The following AUTS2 variants were observed in gnomAD, a reference collection of about 807,000 sequenced individuals.
AUTS2 encodes the protein autism susceptibility gene 2 protein.
Under a neutral mutation model 112.4 loss-of-function variants are expected in AUTS2, and 17 were observed. The ratio of observed to expected loss-of-function variants is 0.15; its 90% CI spans 0.10 to 0.23. The LOEUF (loss-of-function observed/expected upper bound fraction) is 0.23, where lower values mean the gene tolerates loss of function less well. AUTS2 is among the 10% of genes least tolerant of loss of function. The pLI, the probability that AUTS2 is intolerant of heterozygous loss-of-function variation, is 1.00. For synonymous variants in AUTS2, 751 were observed against 702.7 expected (o/e 1.07, Z -1.09); for missense variants, 1,510 against 1,701.6 (o/e 0.89, Z 1.98).
intron 4 of AUTS2, among the ~76,000 whole-genome samples, chr7:70,193,364 TCTTAAAA>T (rs1359883581): frequency 6.6e-6 from 1 of 152,218 alleles, no homozygotes; most frequent in Non-Finnish European, 1.5e-5. Context: ...TAGATTTGTA[TCTTAAAA>T]CAGGAATACT....
At chr7:69,836,812 C>T (rs754509605) in intron 1 of AUTS2, among the ~76,000 whole-genome samples, 18 of 152,138 alleles carry the variant, frequency 1.2e-4, no homozygotes, top group African/African-American at 4.1e-4. Flanking sequence ...TTACTTATTG[C>T]TCAAAAGAGG....
At chr7:70,729,078 T>A (rs1001345841) in intron 6 of AUTS2, 4 of 446,174 alleles carry the variant, frequency 9.0e-6, no homozygotes, top group African/African-American at 6.0e-5. Flanking sequence ...CTAGAGCTGC[T>A]CTGCTCTTGA....
intron 2 of AUTS2, among the ~76,000 whole-genome samples, chr7:69,959,057 C>T (rs918891011): frequency 6.6e-6 from 1 of 152,116 alleles, no homozygotes; most frequent in Admixed American, 6.6e-5. Context: ...AAATTTTGCC[C>T]GTTACCTCTG....
chr7:69,757,727 G>A (rs149889261), intron 1 of AUTS2, among the ~76,000 whole-genome samples: 43 of 152,010 alleles, frequency 2.8e-4, no homozygotes, highest in Middle Eastern at 3.4e-3. Flanking sequence ...TTCTTTTACC[G>A]CCCCCTGCTT....
intron 5 of AUTS2, among the ~76,000 whole-genome samples, chr7:70,612,919 A>G (rs4717538): frequency 0.015 from 2,353 of 152,124 alleles, 93 homozygotes; most frequent in East Asian, 0.11. Context: ...AGTGCTGGGC[A>G]GGCAGTCCAG....
At chr7:70,241,976 T>A (rs1812638321) in intron 4 of AUTS2, among the ~76,000 whole-genome samples, 1 of 152,208 alleles carries the variant, frequency 6.6e-6, no homozygotes, top group African/African-American at 2.4e-5. Context: ...CCTATTTTCC[T>A]GTGGTCAAAA....
At chr7:69,688,940 A>G (rs549728215) in intron 1 of AUTS2, among the ~76,000 whole-genome samples, 1 of 152,242 alleles carries the variant, frequency 6.6e-6, no homozygotes, top group African/African-American at 2.4e-5. Context: ...TTAGGAGTTT[A>G]AAGGATTGAG....
At chr7:70,122,762 G>A (rs1294983803) in intron 3 of AUTS2, among the ~76,000 whole-genome samples, 2 of 149,628 alleles carry the variant, frequency 1.3e-5, no homozygotes, top group African/African-American at 4.9e-5. Flanking sequence ...TTACTGAAAT[G>A]TTTTGAGATC....
At chr7:70,122,679 A>T (rs1805745577) in intron 3 of AUTS2, among the ~76,000 whole-genome samples, 1 of 152,114 alleles carries the variant, frequency 6.6e-6, no homozygotes, top group Non-Finnish European at 1.5e-5. Context: ...ATTGTTCATT[A>T]ATTATTAAAA....
At position 70,343,914 on chromosome 7, in the gene AUTS2, C is replaced by T. The variant is rs77723060; in HGVS notation, c.661-91838C>T. 2.2e-3 allele frequency among the ~76,000 whole-genome samples: 333 copies of T among 152,186 alleles called. 3 individuals are homozygous for T. The highest frequency in any genetic ancestry group is 7.7e-3 in the African/African-American group (319 of 41,526). ...GGAAATGAAACAAAAGGCAGCCCTACCTCAGGTCCTGGAAAGGCACATAGT... is the reference window on the plus strand; with the variant it reads ...GGAAATGAAACAAAAGGCAGCCCTATCTCAGGTCCTGGAAAGGCACATAGT... On this transcript the variant is annotated intron_variant, in intron 4 of 18. Coordinates refer to ENST00000342771, the MANE Select transcript of AUTS2 (RefSeq NM_015570.4).
At chr7:70,352,199 C>T (rs1224519037) in intron 4 of AUTS2, among the ~76,000 whole-genome samples, 2 of 152,138 alleles carry the variant, frequency 1.3e-5, no homozygotes, top group African/African-American at 4.8e-5. Flanking sequence ...AGTCATGAAG[C>T]CAGCCAGAAC....
intron 1 of AUTS2, among the ~76,000 whole-genome samples, chr7:69,782,390 T>A (rs1789181272): frequency 6.6e-6 from 1 of 151,778 alleles, no homozygotes; most frequent in South Asian, 2.1e-4. Flanking sequence ...TGTTTCTTTT[T>A]AAAAGAACCT....
chr7:69,782,043 C>T (rs953970424), intron 1 of AUTS2, among the ~76,000 whole-genome samples: 3 of 152,170 alleles, frequency 2.0e-5, no homozygotes, highest in Non-Finnish European at 2.9e-5. Flanking sequence ...GATGTGGGTT[C>T]AGGTTCAGTA....
intron 4 of AUTS2, among the ~76,000 whole-genome samples, chr7:70,302,997 A>G (rs1789293242): frequency 6.6e-6 from 1 of 151,946 alleles, no homozygotes; most frequent in African/African-American, 2.4e-5. Flanking sequence ...CATTGATGAA[A>G]AGTTTTCTTT....
At chr7:70,364,606 TAAATAAATAAAA>T (rs1394136121) in intron 4 of AUTS2, among the ~76,000 whole-genome samples, 28 of 148,962 alleles carry the variant, frequency 1.9e-4, no homozygotes, top group Middle Eastern at 3.5e-3. Flanking sequence ...AATAAATAAA[TAAATAAATAAAA>T]ATTAAAAAGG....
In AUTS2 at chr7:70,624,521, G is replaced by A. The variant is rs114678408; in HGVS notation, c.691-74048G>A. On this transcript the variant is annotated intron_variant, in intron 5 of 18. Coordinates refer to ENST00000342771, the MANE Select transcript of AUTS2 (RefSeq NM_015570.4). Reference sequence around the variant, plus strand: ...CAAATGAATACAAATTTTATTTTCAGGTCCCCACATTTGATATTTTCTGTT... The same window carrying A: ...CAAATGAATACAAATTTTATTTTCAAGTCCCCACATTTGATATTTTCTGTT... Among the ~76,000 whole-genome samples the A allele has an allele frequency of 5.7e-3, 874 of 152,192 alleles. 12 individuals carry two copies. The highest frequency in any genetic ancestry group is 0.019 in the African/African-American group (790 of 41,506).
intron 5 of AUTS2, among the ~76,000 whole-genome samples, chr7:70,537,574 G>A (rs1010414538): frequency 2.0e-5 from 3 of 152,208 alleles, no homozygotes; most frequent in Non-Finnish European, 2.9e-5. Context: ...CCTAGTGACT[G>A]ATGCACATTG....
chr7:69,971,952 G>A (rs1053290582), intron 2 of AUTS2, among the ~76,000 whole-genome samples: 1 of 152,188 alleles, frequency 6.6e-6, no homozygotes, highest in Admixed American at 6.5e-5. Context: ...CAAGAGTGCA[G>A]TTGCTGGGTA....
rs181711235 is a variant in AUTS2 at position 70,432,528 on chromosome 7, G to A, written c.661-3224G>A. On this transcript the variant is annotated intron_variant, in intron 4 of 18. Transcript: ENST00000342771. ...TTTTCATAAAGCAGGCCCATAAACC[G>A]CTGCCAGTGAAGCAGAAAGACTCCT... 1.1e-4 allele frequency among the ~76,000 whole-genome samples: 17 copies of A among 152,204 alleles called. No homozygotes were observed. In the East Asian group the frequency reaches 1.2e-3, roughly 10 times the overall value.
Sources: allele counts gnomAD v4.1 joint callset (sites outside exome capture counted in the v4.1 genomes callset), GRCh38; gene constraint gnomAD v4.1.1; transcripts MANE v1.5; gene names NCBI Gene and HGNC (gene_info 2026-07-23, HGNC 2026-07-21).